Variants in ADCY7 observed in about 807,000 individuals in gnomAD.
The protein encoded by ADCY7 is adenylate cyclase type 7.
Under a neutral mutation model 120.6 loss-of-function variants are expected in ADCY7, and 72 were observed. That is an observed-to-expected ratio of 0.60 (90% CI 0.49 to 0.73). ADCY7 has a LOEUF of 0.73. ADCY7 is among the 30% of genes least tolerant of loss of function. ADCY7 has a pLI of 0.00. For synonymous variants in ADCY7, 661 were observed against 628.0 expected (o/e 1.05, Z -0.78); for missense variants, 1,227 against 1,486.0 (o/e 0.83, Z 2.87).
upstream of ADCY7, chr16:50,266,504 CTGCTGCCGCTGCCGG>C (rs1162191282): frequency 2.4e-5 from 4 of 164,698 alleles, no homozygotes; most frequent in Admixed American, 2.6e-4. Flanking sequence ...GCCGCCGCCG[CTGCTGCCGCTGCCGG>C]AGCAGGAAGT....
At chr16:50,292,500 G>C in intron 4 of ADCY7, 176 bp from the exon 5 acceptor site, 1 of 726,974 alleles carries the variant, frequency 1.4e-6, no homozygotes, top group Non-Finnish European at 2.2e-6. Context: ...CTCACTAGGA[G>C]ACTAGCTCCT....
chr16:50,258,269 G>A (rs922659918), intron 1 of ADCY7, among the ~76,000 whole-genome samples: 2 of 152,116 alleles, frequency 1.3e-5, no homozygotes, highest in African/African-American at 2.4e-5. Flanking sequence ...ATCCGAATGA[G>A]GTCTGCATGA....
At chr16:50,276,073 A>G (rs895686929) in intron 1 of ADCY7, among the ~76,000 whole-genome samples, 1 of 152,012 alleles carries the variant, frequency 6.6e-6, no homozygotes, top group Non-Finnish European at 1.5e-5. Flanking sequence ...TGGGCCGAGG[A>G]CCCGACTCTG....
At chr16:50,294,395 G>A (rs1328205547) in intron 6 of ADCY7, among the ~76,000 whole-genome samples, 1 of 152,202 alleles carries the variant, frequency 6.6e-6, no homozygotes, top group Non-Finnish European at 1.5e-5. Context: ...GGCCTGGGGT[G>A]GGGCCGAGGG....
chr16:50,250,830 A>G (rs1236662616), intron 1 of ADCY7, among the ~76,000 whole-genome samples: 2 of 152,246 alleles, frequency 1.3e-5, no homozygotes, highest in Non-Finnish European at 2.9e-5. Context: ...GTATAGATAT[A>G]GAATGAGGCA....
At chr16:50,311,262 C>A (rs1053136328) in intron 19 of ADCY7, among the ~76,000 whole-genome samples, 5 of 152,154 alleles carry the variant, frequency 3.3e-5, no homozygotes, top group Non-Finnish European at 7.4e-5. Flanking sequence ...TCTAGGGGTT[C>A]TGGGTCCCAA....
In ADCY7 at chr16:50,309,632, T is replaced by C; in HGVS notation, c.2146T>C (p.Cys716Arg). ...LAASSKTRAL[C>R]EPLPYYTCSC... ...CGCGAGCAGCAAGACAAGAGCCCTG[T>C]GTGAGCCCCTCCCGGTGAGTGCGCC... The change falls in exon 18 of 26, where the codon TGT (cysteine) becomes CGT (arginine). Residue 716 changes from cysteine (C) to arginine (R), a missense_variant. By Grantham distance (180) the Cys-to-Arg change is radical (BLOSUM62 -3). Transcript: ENST00000673801. 6.2e-7 allele frequency: 1 copy of C among 1,610,702 alleles called. No individual in the cohort carries two copies. The highest frequency in any genetic ancestry group is 8.5e-7 in the Non-Finnish European group (1 of 1,179,988).
intron 6 of ADCY7, 65 bp downstream of exon 6, chr16:50,293,567 G>A (rs926041255): frequency 6.4e-7 from 1 of 1,569,392 alleles, no homozygotes; most frequent in African/African-American, 1.3e-5. Flanking sequence ...CCGGCCCCCA[G>A]GCGGCCTCCC....
chr16:50,305,389 C>T (rs1194361603), intron 12 of ADCY7, 114 bp from the exon 13 acceptor site: 10 of 930,800 alleles, frequency 1.1e-5, no homozygotes, highest in African/African-American at 1.6e-5. Flanking sequence ...CCACCCATTC[C>T]TTCACCATCC....
At chr16:50,306,865 G>A (rs182631115) in intron 14 of ADCY7, among the ~76,000 whole-genome samples, 185 bp from the exon 15 acceptor site, 79 of 152,310 alleles carry the variant, frequency 5.2e-4, no homozygotes, top group Admixed American at 2.3e-3. Context: ...TCACTATGTT[G>A]CCCAGGCTGG....
At chr16:50,313,237 C>A in intron 22 of ADCY7, 2 of 547,576 alleles carry the variant, frequency 3.7e-6, no homozygotes, top group Non-Finnish European at 6.1e-6. Context: ...GCCAACATGG[C>A]GAAACCCTGT....
chr16:50,310,233 C>T (rs2036362137), intron 18 of ADCY7, among the ~76,000 whole-genome samples: 1 of 151,930 alleles, frequency 6.6e-6, no homozygotes, highest in African/African-American at 2.4e-5. Flanking sequence ...GTGGGGAGAA[C>T]TGGGAGATGG....
Position 50,315,488 on chromosome 16 carries a change from G to A in ADCY7, c.3226G>A (p.Gly1076Arg). Residue 1076 changes from glycine to arginine, a missense_variant, in exon 26 of 26, where the codon GGG becomes AGG. Gly to Arg is a moderately radical substitution (Grantham distance 125, BLOSUM62 -2). This residue lies in a region of ADCY7 where 244 missense variants were observed against 332.8 expected (regional missense o/e 0.73). Coordinates refer to ENST00000673801, the MANE Select transcript of ADCY7 (RefSeq NM_001114.5). ...FVCTDTAKFQ[G>R]LGLN ...CTGTACGGACACTGCCAAGTTTCAG[G>A]GGCTGGGGCTGAACTGAGGGCTCCT... The A allele has an allele frequency of 6.2e-7, 1 of 1,612,910 alleles. No individual in the cohort carries two copies. Among genetic ancestry groups the A allele is most frequent in the Non-Finnish European group, 8.5e-7 (1 of 1,178,954 alleles).
Position 50,304,554 on chromosome 16 carries a change from A to G in ADCY7, c.1560+3A>G. ...TCCCCAACGGGCGGAGGCCTAAGGT[A>G]GGTCCCCCTCCCACCCAGAAAGCCA... On this transcript the variant is annotated splice_donor_region_variant and intron_variant, in intron 11 of 25. Coordinates refer to ENST00000673801, the MANE Select transcript of ADCY7 (RefSeq NM_001114.5). 1 of 1,534,202 alleles carries G rather than the reference A, an allele frequency of 6.5e-7. No individual in the cohort carries two copies. Among genetic ancestry groups the G allele is most frequent in the Non-Finnish European group, 8.8e-7 (1 of 1,138,126 alleles).
At chr16:50,304,584 T>C (rs558949745) in intron 11 of ADCY7, 33 bp downstream of exon 11, 9 of 1,514,174 alleles carry the variant, frequency 5.9e-6, no homozygotes, top group African/African-American at 2.8e-5. Flanking sequence ...AAGCCAGGGA[T>C]TGGGGCCCCA....
In ADCY7 at chr16:50,290,453, C is replaced by T. The variant is rs1399368083; in HGVS notation, c.172-4C>T. On this transcript the variant is annotated splice_region_variant and splice_polypyrimidine_tract_variant and intron_variant, in intron 2 of 25. Transcript: ENST00000673801. Reference sequence around the variant, plus strand: ...AGGCATTCCTGTCTGTTTGCTCCACCCAGGACCCCTCCAGACACCAGGCCA... The same window carrying T: ...AGGCATTCCTGTCTGTTTGCTCCACTCAGGACCCCTCCAGACACCAGGCCA... 6.2e-7 allele frequency: 1 copy of T among 1,614,112 alleles called. No homozygotes were observed. The highest frequency in any genetic ancestry group is 2.2e-5 in the East Asian group (1 of 44,884).
chr16:50,308,195 A>G, intron 15 of ADCY7, 132 bp from the exon 16 acceptor site: 2 of 1,517,982 alleles, frequency 1.3e-6, no homozygotes, highest in Non-Finnish European at 1.8e-6. Flanking sequence ...CACAGTTTTC[A>G]CAGGTCCCCT....
intron 19 of ADCY7, 61 bp from the exon 20 acceptor site, chr16:50,311,632 A>T: frequency 8.2e-7 from 1 of 1,214,294 alleles, no homozygotes; most frequent in Non-Finnish European, 1.2e-6. Context: ...CCTGGAGAGC[A>T]TGACTCAGTG....
chr16:50,300,091 A>G (rs998581761), intron 8 of ADCY7, among the ~76,000 whole-genome samples: 2 of 151,672 alleles, frequency 1.3e-5, no homozygotes, highest in African/African-American at 4.8e-5. Flanking sequence ...TTATTTATTT[A>G]TTTATTTATT....
Sources: gnomAD v4.1 joint callset for allele counts (sites outside exome capture counted in the v4.1 genomes callset) on GRCh38, gnomAD v4.1.1 for gene constraint, gnomAD v4.1.1 regional missense constraint, MANE v1.5 for transcripts, NCBI Gene and HGNC (gene_info 2026-07-23, HGNC 2026-07-21) for gene names.